Variants in DSN1 observed in about 807,000 individuals in gnomAD.
The protein encoded by DSN1 is DSN1 component of MIS12 kinetochore complex, also known as kinetochore-associated protein DSN1 homolog.
DSN1 carries 31 observed loss-of-function variants against 45.7 expected under a neutral mutation model. The ratio of observed to expected loss-of-function variants is 0.68; its 90% CI spans 0.51 to 0.92. DSN1 has a LOEUF of 0.92. Among genes scored for constraint, DSN1 ranks in the 40% least tolerant of loss-of-function variants. The pLI, the probability that DSN1 is intolerant of heterozygous loss-of-function variation, is 0.00. For synonymous variants in DSN1, 134 were observed against 142.3 expected (o/e 0.94, Z 0.41); for missense variants, 394 against 414.2 (o/e 0.95, Z 0.42).
At chr20:36,763,885 C>CAAAAAAAAA (rs148628979) in intron 5 of DSN1, among the ~76,000 whole-genome samples, 2 of 37,454 alleles carry the variant, frequency 5.3e-5, no homozygotes, top group African/African-American at 1.2e-4. Context: ...AACTCTGTCT[C>CAAAAAAAAA]AAAAAAAAAA....
At position 36,772,273 on chromosome 20, in the gene DSN1, G is replaced by A. The variant is rs150412465; in HGVS notation, c.-15-800C>T. On this transcript the variant is annotated intron_variant, in intron 1 of 10. Coordinates refer to ENST00000373750, the MANE Select transcript of DSN1 (RefSeq NM_001145315.2). ...CTAGTTTTTCTACCTCCAACGGCCCGTCTCCAGTCTATTCTTTGTTTTTGT... is the reference window on the plus strand; with the variant it reads ...CTAGTTTTTCTACCTCCAACGGCCCATCTCCAGTCTATTCTTTGTTTTTGT... Among the ~76,000 whole-genome samples, 40 of 142,116 alleles carry A rather than the reference G, an allele frequency of 2.8e-4. No homozygotes were observed. In the East Asian group the frequency reaches 7.8e-3, roughly 28 times the overall value. 93.2% of individuals were successfully genotyped at this position (142,116 alleles called of 152,430 possible).
At chr20:36,755,578 C>T in intron 9 of DSN1, 104 bp downstream of exon 9, 47 of 1,284,978 alleles carry the variant, frequency 3.7e-5, no homozygotes, top group Middle Eastern at 3.9e-4. Context: ...GTTGAATATA[C>T]ATATTCAACT....
chr20:36,773,575 G>T, intron 1 of DSN1, 87 bp downstream of exon 1: 1 of 985,824 alleles, frequency 1.0e-6, no homozygotes, highest in South Asian at 4.6e-5. Context: ...GTACGACGCC[G>T]AAGAGATTAG....
rs911292586 is a variant in DSN1 at position 36,764,659 on chromosome 20, G to A, written c.502+2110C>T. On this transcript the variant is annotated intron_variant, in intron 5 of 10. Coordinates refer to ENST00000373750, the MANE Select transcript of DSN1 (RefSeq NM_001145315.2). ...ATGAGGCTGAGCCATGGTGGCTCGC[G>A]CCTATAATCCCAACACTTTGGGAAG... is the stretch of plus-strand genomic sequence containing the variant. Among the ~76,000 whole-genome samples the A allele has an allele frequency of 8.5e-5, 13 of 152,274 alleles. No homozygotes were observed. In the East Asian group the frequency reaches 2.5e-3, roughly 29 times the overall value.
At chr20:36,763,410 G>GAAAAAAAAAAAAAAAAAAAAAA in intron 5 of DSN1, among the ~76,000 whole-genome samples, 1 of 84,098 alleles carries the variant, frequency 1.2e-5, no homozygotes, top group Non-Finnish European at 2.0e-5. Context: ...CTCAAAAAAA[G>GAAAAAAAAAAAAAAAAAAAAAA]AAAAAAAAAA....
At position 36,754,794 on chromosome 20, in the gene DSN1, G is replaced by C. The variant is rs754907240; in HGVS notation, c.930C>G (p.Thr310=). The change falls in exon 10 of 11, where the codon ACC becomes ACG. Residue 310 remains threonine (T), a synonymous_variant. Coordinates refer to ENST00000373750, the MANE Select transcript of DSN1 (RefSeq NM_001145315.2). ...KQLQAFMDES[T]QCFQKVSVQL... Reference sequence around the variant, plus strand: ...GTACTGACACCTTCTGGAAGCACTGGGTACTTTCATCCATAAAGGCCTGCA... The same window carrying C: ...GTACTGACACCTTCTGGAAGCACTGCGTACTTTCATCCATAAAGGCCTGCA... 6.2e-7 allele frequency: 1 copy of C among 1,613,776 alleles called. No individual in the cohort carries two copies. Among genetic ancestry groups the C allele is most frequent in the African/African-American group, 1.3e-5 (1 of 74,884 alleles).
At position 36,762,532 on chromosome 20, in the gene DSN1, T is replaced by C; in HGVS notation, c.519A>G (p.Glu173=). The change falls in exon 6 of 11, where the codon GAA becomes GAG. Residue 173 remains glutamate, a synonymous_variant. Transcript: ENST00000373750. ...SFRAKASSLS[E]ELKHFADGLE... ...GTCCGTCTGCAAAATGTTTCAATTC[T>C]TCAGAAAGAGAAGATGCTAGACAGC... 6.2e-7 allele frequency: 1 copy of C among 1,613,738 alleles called. No homozygotes were observed. The highest frequency in any genetic ancestry group is 8.5e-7 in the Non-Finnish European group (1 of 1,179,862).
intron 5 of DSN1, 151 bp downstream of exon 5, chr20:36,766,618 G>A (rs529552734): frequency 3.0e-4 from 209 of 693,250 alleles, no homozygotes; most frequent in Non-Finnish European, 4.4e-4. Flanking sequence ...TCACCCTACT[G>A]CACTCCAGTC....
intron 5 of DSN1, 71 bp from the exon 6 acceptor site, chr20:36,762,619 G>A (rs1268425861): frequency 8.0e-6 from 11 of 1,373,658 alleles, no homozygotes; most frequent in Non-Finnish European, 1.1e-5. Context: ...GCTGACAAAG[G>A]TATATTAAGG....
chr20:36,767,885 G>C (rs1318003876), intron 4 of DSN1, 84 bp downstream of exon 4: 3 of 1,369,840 alleles, frequency 2.2e-6, no homozygotes, highest in Admixed American at 1.7e-5. Context: ...CTGGGTGACA[G>C]AGTCAGGCTC....
At position 36,755,744 on chromosome 20, in the gene DSN1, T is replaced by TTG. The variant is rs1177442225; in HGVS notation, c.809_810dup (p.Lys271GlnfsTer22). ...TGTAATATTTTCTGGTAGTCAGGTT[T>TTG]TGTATTAAGAACTTCATTCTGAGAA... On this transcript the variant is annotated frameshift_variant, in exon 9 of 11. Coordinates refer to ENST00000373750, the MANE Select transcript of DSN1 (RefSeq NM_001145315.2). LOFTEE classifies it high-confidence loss of function. 6.2e-7 allele frequency: 1 copy of TTG among 1,614,110 alleles called. No homozygotes were observed. The highest frequency in any genetic ancestry group is 8.5e-7 in the Non-Finnish European group (1 of 1,180,016).
Position 36,773,653 on chromosome 20 carries a change from C to T in DSN1, c.-16+9G>A. 1 of 985,632 alleles carries T rather than the reference C, an allele frequency of 1.0e-6. No individual in the cohort carries two copies. The highest frequency in any genetic ancestry group is 6.1e-5 in the Admixed American group (1 of 16,286). 61.1% of individuals were successfully genotyped at this position (985,632 alleles called of 1,614,324 possible). A position where few individuals can be genotyped will look rare whatever the true frequency, so the allele number is the denominator to read the frequency against. The stretch of plus-strand genomic sequence containing the variant: ...TTCCTGACGCCCGTCCAGTCCGGAA[C>T]CTCCGTACCTGAAACACAAGGCCAC... On this transcript the variant is annotated intron_variant, in intron 1 of 10. Transcript: ENST00000373750.
At chr20:36,758,728 C>T in intron 6 of DSN1, 111 bp from the exon 7 acceptor site, 1 of 1,100,038 alleles carries the variant, frequency 9.1e-7, no homozygotes, top group East Asian at 2.7e-5. Flanking sequence ...CCTCTTGTTG[C>T]CCAGGCTGGA....
intron 2 of DSN1, 90 bp from the exon 3 acceptor site, chr20:36,771,283 T>C: frequency 6.7e-7 from 1 of 1,487,402 alleles, no homozygotes; most frequent in East Asian, 2.3e-5. Context: ...TGTATGCCCC[T>C]AGATCGTGGA....
chr20:36,770,770 A>G (rs2148286092), intron 3 of DSN1, 103 bp downstream of exon 3: 1 of 1,312,682 alleles, frequency 7.6e-7, no homozygotes, highest in African/African-American at 1.5e-5. Flanking sequence ...AGTCATGTCT[A>G]TTCTCCCACA....
At chr20:36,763,483 A>G (rs1432387469) in intron 5 of DSN1, among the ~76,000 whole-genome samples, 1 of 152,000 alleles carries the variant, frequency 6.6e-6, no homozygotes, top group Non-Finnish European at 1.5e-5. Flanking sequence ...AGGCAAATAA[A>G]AAATTATGGG....
intron 10 of DSN1, among the ~76,000 whole-genome samples, 162 bp from the exon 11 acceptor site, chr20:36,753,059 C>T (rs758412922): frequency 6.6e-6 from 1 of 151,838 alleles, no homozygotes; most frequent in Non-Finnish European, 1.5e-5. Context: ...GAATGCCAGC[C>T]ACAGCTGGGC....
intron 10 of DSN1, 79 bp downstream of exon 10, chr20:36,754,684 G>A (rs1986573956): frequency 8.3e-7 from 1 of 1,205,472 alleles, no homozygotes; most frequent in Non-Finnish European, 1.2e-6. Flanking sequence ...TGGACCATAG[G>A]CTTTGAAGGG....
intron 10 of DSN1, 71 bp downstream of exon 10, chr20:36,754,692 G>T: frequency 7.6e-7 from 1 of 1,315,490 alleles, no homozygotes; most frequent in Non-Finnish European, 1.1e-6. Flanking sequence ...AGGCTTTGAA[G>T]GGCAGTTTGT....
Sources: allele counts gnomAD v4.1 joint callset (sites outside exome capture counted in the v4.1 genomes callset), GRCh38; gene constraint gnomAD v4.1.1; transcripts MANE v1.5; gene names NCBI Gene and HGNC (gene_info 2026-07-23, HGNC 2026-07-21).